Variants in EFCAB5 observed in about 807,000 individuals in gnomAD.
The protein encoded by EFCAB5 is EF-hand calcium-binding domain-containing protein 5.
EFCAB5 carries 131 observed loss-of-function variants against 167.9 expected under a neutral mutation model. The ratio of observed to expected loss-of-function variants is 0.78; its 90% CI spans 0.68 to 0.90. EFCAB5 has a LOEUF of 0.90. Among genes scored for constraint, EFCAB5 ranks in the 40% least tolerant of loss-of-function variants. The pLI is 0.00. For missense variants in EFCAB5, 1,663 were observed against 1,745.2 expected, an observed-to-expected ratio of 0.95 and a Z score of 0.84; for synonymous variants, 574 against 602.8, an observed-to-expected ratio of 0.95 and a Z score of 0.70.
At chr17:30,042,189 A>G (rs1202794833) in intron 8 of EFCAB5, among the ~76,000 whole-genome samples, 1 of 151,946 alleles carries the variant, frequency 6.6e-6, no homozygotes, top group Non-Finnish European at 1.5e-5. Context: ...TTGTATTTTT[A>G]ATAGAGACGG....
intron 7 of EFCAB5, among the ~76,000 whole-genome samples, chr17:30,028,430 C>T (rs139109699): frequency 1.1e-3 from 161 of 152,056 alleles, no homozygotes; most frequent in African/African-American, 3.7e-3. Flanking sequence ...GTGCTTTGAG[C>T]TGTAGCATGG....
chr17:30,104,300 G>A (rs1048334923), intron 22 of EFCAB5, among the ~76,000 whole-genome samples: 3 of 152,126 alleles, frequency 2.0e-5, no homozygotes, highest in Admixed American at 2.0e-4. Flanking sequence ...ATCCCCAAAA[G>A]ATTTAACTTT....
At chr17:30,073,978 G>T in intron 14 of EFCAB5, 1 of 199,014 alleles carries the variant, frequency 5.0e-6, no homozygotes, top group Admixed American at 5.9e-5. Flanking sequence ...AATCCCCAAA[G>T]CAACCACTTT....
chr17:30,030,621 C>T (rs2069454518), intron 7 of EFCAB5, among the ~76,000 whole-genome samples: 1 of 151,870 alleles, frequency 6.6e-6, no homozygotes. Context: ...GGATTACAGG[C>T]GTAAGCCACT....
At chr17:29,951,128 T>C (rs1032326493) in intron 3 of EFCAB5, among the ~76,000 whole-genome samples, 1 of 152,186 alleles carries the variant, frequency 6.6e-6, no homozygotes, top group African/African-American at 2.4e-5. Context: ...CATATTGGAA[T>C]AAGAGAAGAG....
chr17:29,933,516 G>A (rs948931997), intron 1 of EFCAB5, among the ~76,000 whole-genome samples: 3 of 152,164 alleles, frequency 2.0e-5, no homozygotes, highest in Non-Finnish European at 2.9e-5. Context: ...CTGAATTTGA[G>A]GAGAGAGAGG....
intron 17 of EFCAB5, among the ~76,000 whole-genome samples, 169 bp downstream of exon 17, chr17:30,081,150 A>G (rs1298062871): frequency 1.3e-5 from 2 of 152,168 alleles, no homozygotes; most frequent in Non-Finnish European, 2.9e-5. Flanking sequence ...GAAGTTCCCC[A>G]TTACTTATGG....
At chr17:29,978,702 T>A (rs2068109529) in intron 4 of EFCAB5, among the ~76,000 whole-genome samples, 1 of 152,238 alleles carries the variant, frequency 6.6e-6, no homozygotes, top group African/African-American at 2.4e-5. Context: ...CAAGGTGTGG[T>A]TGTCCTGAAG....
At chr17:29,997,299 A>C (rs564417223) in intron 6 of EFCAB5, among the ~76,000 whole-genome samples, 4 of 152,042 alleles carry the variant, frequency 2.6e-5, no homozygotes, top group African/African-American at 9.6e-5. Context: ...CAATATATAA[A>C]TGCTTTGTTA....
chr17:30,042,256 G>A (rs1174038407), intron 8 of EFCAB5, among the ~76,000 whole-genome samples: 1 of 152,098 alleles, frequency 6.6e-6, no homozygotes, highest in Non-Finnish European at 1.5e-5. Flanking sequence ...TGACCCAAGT[G>A]CCTCAGCCTC....
intron 22 of EFCAB5, among the ~76,000 whole-genome samples, chr17:30,095,826 G>A (rs2071278906): frequency 6.6e-6 from 1 of 152,200 alleles, no homozygotes; most frequent in African/African-American, 2.4e-5. Context: ...CATTGGTTTG[G>A]ATTCAATTAC....
chr17:29,963,939 CCT>C (rs555254127), intron 3 of EFCAB5, among the ~76,000 whole-genome samples: 71 of 151,444 alleles, frequency 4.7e-4, no homozygotes, highest in Non-Finnish European at 8.8e-4. Flanking sequence ...GTACCCCTTC[CCT>C]CTCTCTCTCT....
intron 19 of EFCAB5, among the ~76,000 whole-genome samples, chr17:30,087,587 C>T (rs539243638): frequency 1.3e-5 from 2 of 152,202 alleles, no homozygotes; most frequent in South Asian, 4.2e-4. Context: ...TAATGACTTC[C>T]GGTTCCATCC....
chr17:29,985,391 C>T (rs1485053778), intron 4 of EFCAB5, among the ~76,000 whole-genome samples: 2 of 152,166 alleles, frequency 1.3e-5, no homozygotes, highest in African/African-American at 4.8e-5. Flanking sequence ...CCACCCTAGA[C>T]ATGAATGCTG....
At chr17:30,092,288 T>A in intron 21 of EFCAB5, 131 bp downstream of exon 21, 1 of 934,936 alleles carries the variant, frequency 1.1e-6, no homozygotes, top group Non-Finnish European at 1.6e-6. Flanking sequence ...CACGTTCACG[T>A]AACCAGACCT....
intron 4 of EFCAB5, among the ~76,000 whole-genome samples, chr17:29,977,996 AAT>A (rs1425878873): frequency 6.6e-6 from 1 of 152,148 alleles, no homozygotes; most frequent in Admixed American, 6.6e-5. Context: ...AAAGCTTCAA[AAT>A]ATCTTACTCA....
chr17:30,029,579 A>G (rs2069423546), intron 7 of EFCAB5, among the ~76,000 whole-genome samples: 4 of 150,712 alleles, frequency 2.7e-5, no homozygotes, highest in Admixed American at 2.0e-4. Context: ...TTTTTTTTAA[A>G]GTTTCCTCCC....
intron 22 of EFCAB5, among the ~76,000 whole-genome samples, chr17:30,097,217 C>G (rs1436422304): frequency 6.6e-6 from 1 of 151,852 alleles, no homozygotes; most frequent in Non-Finnish European, 1.5e-5. Flanking sequence ...CCACCCTGCC[C>G]AGCTAATTTT....
intron 14 of EFCAB5, among the ~76,000 whole-genome samples, chr17:30,063,589 G>T (rs930614521): frequency 3.0e-4 from 45 of 152,234 alleles, no homozygotes; most frequent in African/African-American, 1.1e-3. Context: ...ACCCAACCCT[G>T]CCACAGAAAG....
Sources: gnomAD v4.1 joint callset for allele counts (sites outside exome capture counted in the v4.1 genomes callset) on GRCh38, gnomAD v4.1.1 for gene constraint, MANE v1.5 for transcripts, NCBI Gene and HGNC (gene_info 2026-07-23, HGNC 2026-07-21) for gene names.